The following SETDB2 variants were observed in gnomAD, a reference collection of about 807,000 sequenced individuals.
SETDB2 encodes SET domain bifurcated histone lysine methyltransferase 2, also known as histone-lysine N-methyltransferase SETDB2.
Under a neutral mutation model 82.5 loss-of-function variants are expected in SETDB2, and 56 were observed. That is an observed-to-expected ratio of 0.68 (90% CI 0.55 to 0.85). The LOEUF (loss-of-function observed/expected upper bound fraction) is 0.85. Among genes scored for constraint, SETDB2 ranks in the 40% least tolerant of loss-of-function variants. The pLI is 0.00. For synonymous variants in SETDB2, 272 were observed against 284.9 expected, an observed-to-expected ratio of 0.95 and a Z score of 0.46; for missense variants, 677 against 816.4, an observed-to-expected ratio of 0.83 and a Z score of 2.08.
intron 6 of SETDB2, among the ~76,000 whole-genome samples, chr13:49,477,972 C>T (rs1958404327): frequency 6.6e-6 from 1 of 152,142 alleles, no homozygotes; most frequent in African/African-American, 2.4e-5. Flanking sequence ...GTGTAGTACA[C>T]ATACATTCGT....
intron 5 of SETDB2, among the ~76,000 whole-genome samples, chr13:49,474,169 C>T (rs983121982): frequency 5.7e-4 from 86 of 152,084 alleles, no homozygotes; most frequent in African/African-American, 2.0e-3. Flanking sequence ...GGCTAAGGCA[C>T]AAGAATTGCT....
intron 4 of SETDB2, among the ~76,000 whole-genome samples, chr13:49,462,731 C>A (rs188067757): frequency 3.4e-4 from 51 of 152,232 alleles, no homozygotes; most frequent in Middle Eastern, 6.8e-3. Flanking sequence ...TAATTTGGAG[C>A]CTTAAGGCTT....
chr13:49,476,507 G>A lies in SETDB2; in HGVS notation c.337G>A (p.Glu113Lys). The stretch of plus-strand genomic sequence containing the variant: ...AGAAAATAAGGAAATTCTCTCTCTT[G>A]AAGATAAAGTTGTAGACTTTAGAGA... The part of the protein sequence containing the change: ...TTENKEILSL[E>K]DKVVDFREKD... Residue 113 changes from glutamate to lysine, a missense_variant, in exon 6 of 14, where the codon GAA becomes AAA. This residue lies in a region of SETDB2 where 243 missense variants were observed against 237.2 expected (regional missense o/e 1.02). Coordinates refer to ENST00000611815, the MANE Select transcript of SETDB2 (RefSeq NM_001160308.3). 6.3e-7 allele frequency: 1 copy of A among 1,596,082 alleles called. No individual in the cohort carries two copies. The highest frequency in any genetic ancestry group is 8.5e-7 in the Non-Finnish European group (1 of 1,172,144).
At chr13:49,491,644 T>G (rs1481525719) in intron 13 of SETDB2, 88 bp from the exon 14 acceptor site, 7 of 874,146 alleles carry the variant, frequency 8.0e-6, no homozygotes, top group Non-Finnish European at 1.1e-5. Context: ...TTGAGGATGG[T>G]TAATGTTAAT....
chr13:49,471,058 G>A (rs1958230374), intron 5 of SETDB2, among the ~76,000 whole-genome samples: 2 of 143,974 alleles, frequency 1.4e-5, no homozygotes, highest in Non-Finnish European at 3.0e-5. Flanking sequence ...TAGGCTTGAC[G>A]CCCTAAGCTC....
intron 1 of SETDB2, among the ~76,000 whole-genome samples, chr13:49,448,215 G>A (rs1013896844): frequency 1.3e-5 from 2 of 152,060 alleles, no homozygotes; most frequent in African/African-American, 4.8e-5. Context: ...AGCCTATTTG[G>A]TAATTTATAT....
In SETDB2 at chr13:49,464,774, C is replaced by T. The variant is rs1324912311; in HGVS notation, c.209-3090C>T. 2.0e-5 allele frequency among the ~76,000 whole-genome samples: 3 copies of T among 152,020 alleles called. No individual in the cohort carries two copies. The East Asian group carries it at 5.8e-4, about 29-fold the overall frequency. ...TTGAAAACCTTTGGTAATAAAGGTT[C>T]ATGTGGGCTGAATACAGTGGCTCAG... On this transcript the variant is annotated intron_variant, in intron 4 of 13. Transcript: ENST00000611815.
intron 5 of SETDB2, 88 bp downstream of exon 5, chr13:49,468,048 T>C (rs1417397783): frequency 1.1e-6 from 1 of 891,224 alleles, no homozygotes; most frequent in Non-Finnish European, 1.6e-6. Context: ...AGATGAAATA[T>C]ACAAAAAAAT....
rs554382404 is a variant in SETDB2, at chr13:49,491,915, G to A, written c.*66G>A. 4 of 1,103,280 alleles carry A rather than the reference G, an allele frequency of 3.6e-6. No individual in the cohort carries two copies. Among genetic ancestry groups the A allele is most frequent in the Admixed American group, 3.4e-5 (2 of 59,232 alleles). 68.3% of individuals were successfully genotyped at this position (1,103,280 alleles called of 1,614,324 possible). A position where few individuals can be genotyped will look rare whatever the true frequency, so the allele number is the denominator to read the frequency against. ...CTGAAATTAAAGCCATGCAAAAGAA[G>A]GTCTAGGTCCATCAAGGAAATTCCC... On this transcript the variant is annotated 3_prime_UTR_variant, in exon 14 of 14. Coordinates refer to ENST00000611815, the MANE Select transcript of SETDB2 (RefSeq NM_001160308.3).
intron 2 of SETDB2, among the ~76,000 whole-genome samples, chr13:49,456,504 A>T (rs987729403): frequency 1.3e-5 from 2 of 152,188 alleles, no homozygotes; most frequent in African/African-American, 4.8e-5. Context: ...ACCAGATGGT[A>T]TTCTTCATTT....
chr13:49,467,806 T>C, intron 4 of SETDB2, 58 bp from the exon 5 acceptor site: 3 of 1,326,698 alleles, frequency 2.3e-6, no homozygotes, highest in Non-Finnish European at 3.1e-6. Flanking sequence ...ACTTGGGTAC[T>C]TATAGCAAAT....
At chr13:49,457,912 A>G (rs906622238) in intron 2 of SETDB2, among the ~76,000 whole-genome samples, 1 of 152,194 alleles carries the variant, frequency 6.6e-6, no homozygotes, top group East Asian at 1.9e-4. Flanking sequence ...ATACATCTCA[A>G]TGTCCACCTC....
Position 49,480,248 on chromosome 13 carries a change from C to T in SETDB2, c.899C>T (p.Ala300Val). The part of the protein sequence containing the change: ...ITKCACLQLT[A>V]RNAKTSPLSS... ...AAATGTGCATGTCTTCAACTGACAG[C>T]AAGGAATGCCAAAACTTCCCCCTTG... is the stretch of plus-strand genomic sequence containing the variant. The change falls in exon 7 of 14, where the codon GCA becomes GTA. Residue 300 changes from alanine (A) to valine (V), a missense_variant. This residue lies in a region of SETDB2 where 420 missense variants were observed against 554.6 expected (regional missense o/e 0.76). Transcript: ENST00000611815. 1 of 1,611,114 alleles carries T rather than the reference C, an allele frequency of 6.2e-7. No individual in the cohort carries two copies. Among genetic ancestry groups the T allele is most frequent in the Non-Finnish European group, 8.5e-7 (1 of 1,179,030 alleles).
In SETDB2 at chr13:49,475,608, C is replaced by T. The variant is rs139155104; in HGVS notation, c.306-868C>T. Among the ~76,000 whole-genome samples the T allele has an allele frequency of 2.0e-5, 3 of 151,812 alleles. No homozygotes were observed. In the East Asian group the frequency reaches 5.8e-4, roughly 29 times the overall value. On this transcript the variant is annotated intron_variant, in intron 5 of 13. Transcript: ENST00000611815. ...TCCAAGTGATCATCCCACCTCAGCC[C>T]CCGAAGTAGCTGGAACTACAGGCAT...
intron 5 of SETDB2, among the ~76,000 whole-genome samples, chr13:49,473,768 G>T (rs1322333327): frequency 6.6e-6 from 1 of 151,906 alleles, no homozygotes; most frequent in South Asian, 2.1e-4. Context: ...GAGAACCTAA[G>T]GAATGTATTA....
chr13:49,454,605 TAC>T (rs1327798589), intron 2 of SETDB2, among the ~76,000 whole-genome samples: 1 of 152,232 alleles, frequency 6.6e-6, no homozygotes, highest in Non-Finnish European at 1.5e-5. Flanking sequence ...ACATTTGTAA[TAC>T]AGTTAGATTC....
chr13:49,452,391 C>T (rs2138821614), intron 2 of SETDB2, among the ~76,000 whole-genome samples: 1 of 152,232 alleles, frequency 6.6e-6, no homozygotes, highest in African/African-American at 2.4e-5. Context: ...GATTACAGCA[C>T]TTGCACCTGG....
chr13:49,490,612 G>C (rs989962713), intron 12 of SETDB2, among the ~76,000 whole-genome samples: 1 of 151,964 alleles, frequency 6.6e-6, no homozygotes, highest in Non-Finnish European at 1.5e-5. Context: ...TCCCATTTTT[G>C]CATTTCTGCC....
intron 5 of SETDB2, among the ~76,000 whole-genome samples, chr13:49,473,614 A>G (rs1417660637): frequency 6.6e-6 from 1 of 151,976 alleles, no homozygotes; most frequent in Non-Finnish European, 1.5e-5. Flanking sequence ...AGAATAATAT[A>G]CTACAGAATC....
Sources: allele counts gnomAD v4.1 joint callset (sites outside exome capture counted in the v4.1 genomes callset), GRCh38; gene constraint gnomAD v4.1.1; regional missense constraint gnomAD v4.1.1; transcripts MANE v1.5; gene names NCBI Gene and HGNC (gene_info 2026-07-23, HGNC 2026-07-21).